Variants in MCM9 observed in about 807,000 individuals in gnomAD.
MCM9 encodes DNA helicase MCM9.
MCM9 carries 55 observed loss-of-function variants against 72.8 expected under a neutral mutation model. That is an observed-to-expected ratio of 0.76 (90% CI 0.61 to 0.95). MCM9 has a LOEUF of 0.95. MCM9 is among the 40% of genes least tolerant of loss of function. The probability of loss-of-function intolerance (pLI) is 0.00; values close to 1 mark genes in which losing one functional copy is unlikely to be tolerated. For synonymous variants in MCM9, 480 were observed against 503.4 expected (o/e 0.95, Z 0.62); for missense variants, 1,279 against 1,377.0 (o/e 0.93, Z 1.13).
intron 4 of MCM9, 68 bp downstream of exon 4, chr6:118,923,743 C>T (rs1562439775): frequency 2.6e-5 from 35 of 1,364,890 alleles, no homozygotes; most frequent in Non-Finnish European, 3.5e-5. Flanking sequence ...TTCCCTAATC[C>T]TCCCAATGTG....
intron 5 of MCM9, chr6:118,918,110 T>C (rs1781113349): frequency 4.1e-6 from 1 of 241,670 alleles, no homozygotes; most frequent in Non-Finnish European, 8.1e-6. Context: ...TCTGAGTCTC[T>C]AACCATTTAG....
chr6:118,819,646 G>A (rs1469340445), intron 13 of MCM9, among the ~76,000 whole-genome samples: 1 of 152,180 alleles, frequency 6.6e-6, no homozygotes, highest in African/African-American at 2.4e-5. Flanking sequence ...AAATGACTTA[G>A]TGGGGAGTCC....
intron 8 of MCM9, among the ~76,000 whole-genome samples, chr6:118,892,289 T>C (rs1056901438): frequency 3.3e-5 from 5 of 152,238 alleles, no homozygotes; most frequent in Non-Finnish European, 5.9e-5. Context: ...TACTGTTGCA[T>C]ATGATGTGTT....
chr6:118,916,831 T>C (rs778740062), intron 6 of MCM9, among the ~76,000 whole-genome samples: 1 of 152,150 alleles, frequency 6.6e-6, no homozygotes, highest in Non-Finnish European at 1.5e-5. Context: ...ATAATATCTA[T>C]CTAATTTAGC....
chr6:118,857,173 C>A (rs1205102683), intron 8 of MCM9, among the ~76,000 whole-genome samples: 1 of 152,082 alleles, frequency 6.6e-6, no homozygotes, highest in Non-Finnish European at 1.5e-5. Flanking sequence ...TCTCCAGAGA[C>A]CTTATGACAG....
chr6:118,916,521 C>T (rs907782078), intron 6 of MCM9, among the ~76,000 whole-genome samples: 5 of 150,584 alleles, frequency 3.3e-5, no homozygotes, highest in African/African-American at 4.9e-5. Context: ...TGCAGTGGCG[C>T]GATCTTGGCT....
At chr6:118,882,497 C>A (rs1394075285) in intron 8 of MCM9, among the ~76,000 whole-genome samples, 3 of 152,290 alleles carry the variant, frequency 2.0e-5, no homozygotes, top group Middle Eastern at 3.4e-3. Context: ...GGGGTCAGAA[C>A]AAACCTCAAG....
intron 8 of MCM9, 71 bp from the exon 9 acceptor site, chr6:118,856,616 C>T (rs558492961): frequency 7.7e-4 from 1,138 of 1,470,018 alleles, no homozygotes; most frequent in Non-Finnish European, 9.6e-4. Flanking sequence ...CAGTGGCTCA[C>T]ACCTGTAATT....
At position 118,917,699 on chromosome 6, in the gene MCM9, G is replaced by A. The variant is rs142688993; in HGVS notation, c.766C>T (p.Arg256Cys). ...TTCAGGACTATCTCCACTTCACAGCGCACATCTTGCTGAAAGGGCTTCCAC... is the reference window on the plus strand; with the variant it reads ...TTCAGGACTATCTCCACTTCACAGCACACATCTTGCTGAAAGGGCTTCCAC... ...QRWKPFQQDV[R>C]CEVEIVLKAN... Residue 256 changes from arginine to cysteine, a missense_variant, in exon 6 of 14, where the codon CGC (arginine) becomes TGC (cysteine). Physicochemically the swap from Arg to Cys is radical, Grantham distance 180 (BLOSUM62 -3). Coordinates refer to ENST00000619706, the MANE Select transcript of MCM9 (RefSeq NM_017696.3). The A allele has an allele frequency of 5.0e-5, 80 of 1,613,922 alleles. No homozygotes were observed. Among genetic ancestry groups the A allele is most frequent in the African/African-American group, 3.2e-4 (24 of 74,900 alleles).
rs529923230 is a variant in MCM9 at position 118,844,354 on chromosome 6, G to A, written c.1325+12017C>T. ...TAAATTGTAGAGTGAGACAGAGTGA[G>A]TGTTATGAAAAATGAACACATGAGT... On this transcript the variant is annotated intron_variant, in intron 9 of 13. Transcript: ENST00000619706. Among the ~76,000 whole-genome samples, 6 of 151,500 alleles carry A rather than the reference G, an allele frequency of 4.0e-5. No homozygotes were observed. In the South Asian group the frequency reaches 1.2e-3, roughly 31 times the overall value.
At position 118,826,288 on chromosome 6, in the gene MCM9, C is replaced by T; in HGVS notation, c.1820G>A (p.Gly607Asp). 1 of 1,549,570 alleles carries T rather than the reference C, an allele frequency of 6.5e-7. No homozygotes were observed. The highest frequency in any genetic ancestry group is 1.2e-5 in the South Asian group (1 of 83,978). The change falls in exon 13 of 14, where the codon GGT becomes GAT. Residue 607 changes from glycine (G) to aspartate (D), a missense_variant. Gly to Asp is a moderately conservative substitution (Grantham distance 94). Coordinates refer to ENST00000619706, the MANE Select transcript of MCM9 (RefSeq NM_017696.3). ...GGCATTCACACCTCCTAGCAGTGCA[C>T]CTCCCTGAAGGGGTGAGAAAATACC... ...VSVMESSMQG[G>D]ALLGGVNALH...
intron 3 of MCM9, among the ~76,000 whole-genome samples, chr6:118,926,045 A>T (rs2114404669): frequency 6.6e-6 from 1 of 152,356 alleles, no homozygotes; most frequent in East Asian, 1.9e-4. Flanking sequence ...GAATATTTTC[A>T]TAATTTCAAA....
intron 3 of MCM9, among the ~76,000 whole-genome samples, chr6:118,930,851 G>A (rs1388008073): frequency 1.3e-5 from 2 of 152,148 alleles, no homozygotes; most frequent in African/African-American, 4.8e-5. Context: ...AAAACAGAAA[G>A]TGAGGGGCAA....
At chr6:118,819,919 C>T (rs1225620119) in intron 13 of MCM9, among the ~76,000 whole-genome samples, 5 of 151,918 alleles carry the variant, frequency 3.3e-5, no homozygotes, top group Non-Finnish European at 7.4e-5. Flanking sequence ...GAGTTGTTTA[C>T]AGTATTCTCT....
intron 3 of MCM9, among the ~76,000 whole-genome samples, chr6:118,930,442 TG>T: frequency 6.6e-6 from 1 of 152,358 alleles, no homozygotes; most frequent in Non-Finnish European, 1.5e-5. Context: ...CAAAAGGGTA[TG>T]TATGTTCTCC....
intron 3 of MCM9, among the ~76,000 whole-genome samples, chr6:118,930,088 T>C (rs1782264462): frequency 6.8e-6 from 1 of 146,710 alleles, no homozygotes; most frequent in Non-Finnish European, 1.5e-5. Flanking sequence ...AAGGTAAATA[T>C]TTATTTATTT....
At chr6:118,857,113 T>G (rs1776609683) in intron 8 of MCM9, among the ~76,000 whole-genome samples, 1 of 152,196 alleles carries the variant, frequency 6.6e-6, no homozygotes, top group African/African-American at 2.4e-5. Context: ...CTGTCTCTCC[T>G]TGTAGGTCCT....
chr6:118,890,642 G>A (rs997687989), intron 8 of MCM9, among the ~76,000 whole-genome samples: 1 of 151,952 alleles, frequency 6.6e-6, no homozygotes, highest in African/African-American at 2.4e-5. Flanking sequence ...CTGTATGTAT[G>A]TAATGAATTA....
chr6:118,881,266 C>T lies in MCM9; in HGVS notation c.1151-24721G>A, dbSNP rs187885150. ...TGTTTAATTTATACACCCTAACTTT[C>T]CTGAGCCCCACCTTTTTCAATCCTG... On this transcript the variant is annotated intron_variant, in intron 8 of 13. Transcript: ENST00000619706. 1.1e-3 allele frequency among the ~76,000 whole-genome samples: 163 copies of T among 152,210 alleles called. 1 individual carries two copies. The highest frequency in any genetic ancestry group is 2.0e-3 in the Non-Finnish European group (139 of 68,010).
Sources: allele counts gnomAD v4.1 joint callset (sites outside exome capture counted in the v4.1 genomes callset), GRCh38; gene constraint gnomAD v4.1.1; transcripts MANE v1.5; gene names NCBI Gene and HGNC (gene_info 2026-07-23, HGNC 2026-07-21).